Variants in NALF1 observed in about 807,000 individuals in gnomAD.
NALF1 encodes the protein family with sequence similarity 155 member A.
Under a neutral mutation model 48.4 loss-of-function variants are expected in NALF1, and 3 were observed. The observed-to-expected ratio is 0.06, with a 90% CI of 0.03 to 0.16. The LOEUF (loss-of-function observed/expected upper bound fraction) is 0.16, where lower values mean the gene tolerates loss of function less well. Among genes scored for constraint, NALF1 ranks in the 10% least tolerant of loss-of-function variants. The pLI is 1.00. For synonymous variants in NALF1, 262 were observed against 245.7 expected (o/e 1.07, Z -0.62); for missense variants, 526 against 571.5 (o/e 0.92, Z 0.81).
chr13:107,171,711 A>ATG, intron 2 of NALF1, among the ~76,000 whole-genome samples: 2 of 152,244 alleles, frequency 1.3e-5, no homozygotes, highest in Non-Finnish European at 2.9e-5. Flanking sequence ...TTGCTGTATT[A>ATG]CATAGAATAT....
intron 1 of NALF1, among the ~76,000 whole-genome samples, chr13:107,311,900 A>C (rs536719411): frequency 6.6e-6 from 1 of 152,166 alleles, no homozygotes; most frequent in East Asian, 1.9e-4. Context: ...TAGAATGGCC[A>C]TCATTAAAAA....
intron 1 of NALF1, among the ~76,000 whole-genome samples, chr13:107,471,299 T>C (rs1411075466): frequency 6.6e-6 from 1 of 152,168 alleles, no homozygotes; most frequent in African/African-American, 2.4e-5. Context: ...TCTACCATAT[T>C]TCTTAAAAAA....
At chr13:107,763,961 C>G (rs1202901594) in intron 1 of NALF1, among the ~76,000 whole-genome samples, 1 of 152,028 alleles carries the variant, frequency 6.6e-6, no homozygotes, top group Non-Finnish European at 1.5e-5. Flanking sequence ...ATTTAATAGT[C>G]TTGATAATTT....
chr13:107,435,928 A>T (rs984125572), intron 1 of NALF1, among the ~76,000 whole-genome samples: 5 of 152,144 alleles, frequency 3.3e-5, no homozygotes, highest in Non-Finnish European at 5.9e-5. Context: ...ATACCATGGC[A>T]GCAGTTCCAC....
intron 1 of NALF1, among the ~76,000 whole-genome samples, chr13:107,608,727 C>A (rs1049511786): frequency 1.3e-5 from 2 of 152,020 alleles, no homozygotes; most frequent in Non-Finnish European, 2.9e-5. Context: ...GTGTTGACTC[C>A]GAAAAAAATA....
At chr13:107,678,520 A>G (rs1309114700) in intron 1 of NALF1, among the ~76,000 whole-genome samples, 1 of 152,238 alleles carries the variant, frequency 6.6e-6, no homozygotes, top group Non-Finnish European at 1.5e-5. Flanking sequence ...TGTGACCTCG[A>G]GCAAGTCACC....
At chr13:107,759,787 T>C (rs1475435105) in intron 1 of NALF1, among the ~76,000 whole-genome samples, 1 of 151,944 alleles carries the variant, frequency 6.6e-6, no homozygotes, top group Non-Finnish European at 1.5e-5. Flanking sequence ...TTTCTGGGAC[T>C]TAGTTAATTG....
At chr13:107,506,346 TA>T (rs1875695220) in intron 1 of NALF1, among the ~76,000 whole-genome samples, 1 of 152,120 alleles carries the variant, frequency 6.6e-6, no homozygotes, top group Admixed American at 6.6e-5. Flanking sequence ...ATACGATTTT[TA>T]AAAATATACT....
intron 1 of NALF1, among the ~76,000 whole-genome samples, chr13:107,829,598 A>G (rs926963032): frequency 6.6e-6 from 1 of 151,884 alleles, no homozygotes; most frequent in South Asian, 2.1e-4. Context: ...TATTATTATA[A>G]TTAATAATAA....
rs538841913 is a variant in NALF1 at position 107,379,653 on chromosome 13, C to T, written c.916-168898G>A. ...TGTGCTCAGGACTCCAGGAGTCCTGCTGCTCAGCTGTAAGCCACCTAGAGA... is the reference window on the plus strand; with the variant it reads ...TGTGCTCAGGACTCCAGGAGTCCTGTTGCTCAGCTGTAAGCCACCTAGAGA... On this transcript the variant is annotated intron_variant, in intron 1 of 2. Transcript: ENST00000375915. Among the ~76,000 whole-genome samples, 9 of 152,268 alleles carry T rather than the reference C, an allele frequency of 5.9e-5. No individual in the cohort carries two copies. In the East Asian group the frequency reaches 1.5e-3, roughly 26 times the overall value.
intron 1 of NALF1, among the ~76,000 whole-genome samples, chr13:107,462,534 A>G (rs1416566857): frequency 6.6e-6 from 1 of 151,048 alleles, no homozygotes; most frequent in Non-Finnish European, 1.5e-5. Flanking sequence ...GCAGGTGGTG[A>G]AGGGTCAACT....
chr13:107,489,086 AG>A (rs1885374835), intron 1 of NALF1, among the ~76,000 whole-genome samples: 1 of 152,192 alleles, frequency 6.6e-6, no homozygotes, highest in African/African-American at 2.4e-5. Flanking sequence ...GATCTCTCCA[AG>A]GAGAACTACA....
chr13:107,784,548 C>A (rs1413113360), intron 1 of NALF1, among the ~76,000 whole-genome samples: 2 of 150,044 alleles, frequency 1.3e-5, no homozygotes, highest in Non-Finnish European at 3.0e-5. Flanking sequence ...AGGAAAAAAA[C>A]AAACAAACAA....
intron 1 of NALF1, among the ~76,000 whole-genome samples, chr13:107,714,564 G>A (rs889527988): frequency 6.7e-6 from 1 of 150,090 alleles, no homozygotes; most frequent in South Asian, 2.1e-4. Flanking sequence ...CTACTTGGGA[G>A]GTTGCAGTGA....
At chr13:107,360,297 C>T (rs1883038857) in intron 1 of NALF1, among the ~76,000 whole-genome samples, 1 of 152,138 alleles carries the variant, frequency 6.6e-6, no homozygotes, top group African/African-American at 2.4e-5. Context: ...ACAATTTCCA[C>T]TAAACCACAA....
intron 1 of NALF1, among the ~76,000 whole-genome samples, chr13:107,648,821 T>TA (rs1880377416): frequency 6.6e-6 from 1 of 152,318 alleles, no homozygotes; most frequent in Non-Finnish European, 1.5e-5. Flanking sequence ...AGTCCCTGTT[T>TA]ATTCACATCC....
intron 1 of NALF1, among the ~76,000 whole-genome samples, chr13:107,266,165 CCTT>C (rs781767675): frequency 1.3e-5 from 2 of 152,176 alleles, no homozygotes; most frequent in Admixed American, 1.3e-4. Context: ...GTGAGAATCT[CCTT>C]CTTTCCATTC....
At chr13:107,520,651 A>G (rs937413323) in intron 1 of NALF1, among the ~76,000 whole-genome samples, 2 of 152,180 alleles carry the variant, frequency 1.3e-5, no homozygotes, top group African/African-American at 4.8e-5. Context: ...TAATTTATCC[A>G]ACCCTTATGA....
Position 107,595,318 on chromosome 13 carries a change from C to A in NALF1, c.915+270364G>T, listed in dbSNP as rs189431534. Among the ~76,000 whole-genome samples, 10 of 152,202 alleles carry A rather than the reference C, an allele frequency of 6.6e-5. No individual in the cohort carries two copies. In the East Asian group the frequency reaches 1.9e-3, roughly 29 times the overall value. ...AATCATAAGAAACACAATTCTTTTA[C>A]AAAACAATTTAAATAATAAGAATGG... On this transcript the variant is annotated intron_variant, in intron 1 of 2. Coordinates refer to ENST00000375915, the MANE Select transcript of NALF1 (RefSeq NM_001080396.3).
Sources: gnomAD v4.1 joint callset for allele counts (sites outside exome capture counted in the v4.1 genomes callset) on GRCh38, gnomAD v4.1.1 for gene constraint, MANE v1.5 for transcripts, NCBI Gene and HGNC (gene_info 2026-07-23, HGNC 2026-07-21) for gene names.